Variants in NRG1 observed in about 807,000 individuals in gnomAD.
NRG1 encodes the protein pro-neuregulin-1, membrane-bound isoform.
Under a neutral mutation model 63.8 loss-of-function variants are expected in NRG1, and 18 were observed. The ratio of observed to expected loss-of-function variants is 0.28; its 90% CI spans 0.19 to 0.42. The LOEUF is 0.42. NRG1 is among the 10% of genes least tolerant of loss of function. NRG1 has a pLI of 1.00. For synonymous variants in NRG1, 302 were observed against 301.3 expected (o/e 1.00, Z -0.02); for missense variants, 762 against 814.7 (o/e 0.94, Z 0.79).
chr8:31,986,295 G>A lies in NRG1; in HGVS notation c.37+346864G>A, dbSNP rs1810056528. Among the ~76,000 whole-genome samples the A allele has an allele frequency of 3.9e-5, 6 of 152,138 alleles. No homozygotes were observed. In the South Asian group the frequency reaches 1.2e-3, roughly 32 times the overall value. On this transcript the variant is annotated intron_variant, in intron 1 of 10. Transcript: ENST00000519301. ...AGGAGTGCAAAAGGCAGGCAGACAAGGGGAAGAGGAAGTGGAAGAAGCCCT... is the reference window on the plus strand; with the variant it reads ...AGGAGTGCAAAAGGCAGGCAGACAAAGGGAAGAGGAAGTGGAAGAAGCCCT...
chr8:32,633,311 G>A (rs1850684703), intron 5 of NRG1, among the ~76,000 whole-genome samples: 2 of 152,086 alleles, frequency 1.3e-5, no homozygotes, highest in Admixed American at 6.5e-5. Context: ...AGCCTAGTCT[G>A]CTTTTGTGGC....
At chr8:31,859,914 G>C (rs939758383) in intron 1 of NRG1, among the ~76,000 whole-genome samples, 4 of 152,090 alleles carry the variant, frequency 2.6e-5, no homozygotes, top group Non-Finnish European at 5.9e-5. Flanking sequence ...GTCTAGATTT[G>C]GAAAATAAGC....
At position 32,722,695 on chromosome 8, in the gene NRG1, TGTAA is replaced by T. The variant is rs1323088861; in HGVS notation, c.503-5247_503-5244del. ...TGTTATAACACATAATACATAATAT[TGTAA>T]GTAAGTTTAATTCTTGTAATTTGGA... On this transcript the variant is annotated intron_variant, in intron 5 of 11. Coordinates refer to ENST00000356819, the Ensembl canonical transcript of NRG1. Among the ~76,000 whole-genome samples, 11 of 152,316 alleles carry T rather than the reference TGTAA, an allele frequency of 7.2e-5. No homozygotes were observed. The East Asian group carries it at 9.6e-4, about 13-fold the overall frequency.
At chr8:32,119,426 C>T (rs1292145280) in intron 1 of NRG1, among the ~76,000 whole-genome samples, 1 of 152,080 alleles carries the variant, frequency 6.6e-6, no homozygotes, top group African/African-American at 2.4e-5. Flanking sequence ...TTCCACCATT[C>T]CTGGACCTAT....
chr8:32,153,026 G>T (rs1301370090), intron 1 of NRG1, among the ~76,000 whole-genome samples: 1 of 152,154 alleles, frequency 6.6e-6, no homozygotes, highest in East Asian at 1.9e-4. Context: ...AATAGGACAG[G>T]GGATTTTTCA....
chr8:32,449,858 G>A (rs1490733805), intron 1 of NRG1, among the ~76,000 whole-genome samples: 1 of 152,150 alleles, frequency 6.6e-6, no homozygotes, highest in African/African-American at 2.4e-5. Context: ...ATTCATGAAA[G>A]GGAAGAGGGA....
chr8:32,126,753 T>C (rs1373448468), intron 1 of NRG1, among the ~76,000 whole-genome samples: 2 of 151,952 alleles, frequency 1.3e-5, no homozygotes, highest in Non-Finnish European at 2.9e-5. Flanking sequence ...TTGTTTTCAG[T>C]AAGATGTTTA....
chr8:32,694,494 G>C (rs778772387), intron 5 of NRG1, among the ~76,000 whole-genome samples: 1 of 152,026 alleles, frequency 6.6e-6, no homozygotes, highest in Non-Finnish European at 1.5e-5. Context: ...CATGGTGCTC[G>C]ATCAGTTCCT....
At chr8:32,363,244 T>C (rs1419823675) in intron 1 of NRG1, among the ~76,000 whole-genome samples, 1 of 152,198 alleles carries the variant, frequency 6.6e-6, no homozygotes, top group Non-Finnish European at 1.5e-5. Context: ...TTTCAGGGCC[T>C]CACTTTCTAT....
intron 1 of NRG1, among the ~76,000 whole-genome samples, chr8:32,579,216 T>G (rs1303386019): frequency 2.2e-5 from 2 of 89,302 alleles, no homozygotes; most frequent in African/African-American, 7.6e-5. Flanking sequence ...TTTTTTTTTT[T>G]TGGATACTAT....
intron 1 of NRG1, among the ~76,000 whole-genome samples, chr8:31,984,798 G>A (rs1052690416): frequency 4.6e-5 from 7 of 152,050 alleles, no homozygotes; most frequent in Non-Finnish European, 8.8e-5. Context: ...TGTACCTTTG[G>A]TCCCAACGCA....
intron 5 of NRG1, among the ~76,000 whole-genome samples, chr8:32,717,454 G>T (rs1420614721): frequency 6.6e-6 from 1 of 152,102 alleles, no homozygotes; most frequent in African/African-American, 2.4e-5. Flanking sequence ...GTATTACAGG[G>T]AGACATGTTT....
chr8:32,257,345 G>T (rs73578700), intron 1 of NRG1, among the ~76,000 whole-genome samples: 17,811 of 152,104 alleles, frequency 0.12, 1,149 homozygotes, highest in East Asian at 0.28. Flanking sequence ...AAAAACTCCT[G>T]CAGCTAGCTT....
At chr8:31,836,225 T>C (rs1825677245) in intron 1 of NRG1, among the ~76,000 whole-genome samples, 1 of 152,198 alleles carries the variant, frequency 6.6e-6, no homozygotes, top group Non-Finnish European at 1.5e-5. Flanking sequence ...TGAACTTTAG[T>C]ATTTGAAGAT....
chr8:32,434,057 G>A (rs1330695323), intron 1 of NRG1, among the ~76,000 whole-genome samples: 6 of 151,976 alleles, frequency 3.9e-5, no homozygotes, highest in South Asian at 2.1e-4. Context: ...GTGGTGGCAC[G>A]TGCCTGTAAT....
intron 1 of NRG1, among the ~76,000 whole-genome samples, chr8:32,049,207 G>A (rs866330941): frequency 4.3e-4 from 66 of 152,114 alleles, no homozygotes; most frequent in African/African-American, 1.1e-3. Context: ...CCTGAGAAAT[G>A]GATTATTCAT....
intron 1 of NRG1, among the ~76,000 whole-genome samples, chr8:31,903,888 A>T (rs1832306699): frequency 6.6e-6 from 1 of 152,082 alleles, no homozygotes; most frequent in Admixed American, 6.5e-5. Flanking sequence ...CCTGCAGAGG[A>T]TGTGGTGAGT....
chr8:32,581,015 A>C (rs1361086162), intron 1 of NRG1, among the ~76,000 whole-genome samples: 4 of 152,210 alleles, frequency 2.6e-5, no homozygotes, highest in Non-Finnish European at 5.9e-5. Context: ...GTAAAGAGGA[A>C]GGATTTATTT....
intron 1 of NRG1, among the ~76,000 whole-genome samples, chr8:32,337,393 G>A (rs1382684186): frequency 6.6e-6 from 1 of 152,026 alleles, no homozygotes; most frequent in African/African-American, 2.4e-5. Flanking sequence ...GGCAGTGTCT[G>A]GATAAGGGAT....
Sources: allele counts gnomAD v4.1 joint callset (sites outside exome capture counted in the v4.1 genomes callset), GRCh38; gene constraint gnomAD v4.1.1; transcripts MANE v1.5; gene names NCBI Gene and HGNC (gene_info 2026-07-23, HGNC 2026-07-21).